PTPRD: variants seen among roughly 807,000 people sequenced by gnomAD.
PTPRD encodes the protein receptor-type tyrosine-protein phosphatase delta.
In PTPRD, 34 loss-of-function variants were observed where a neutral mutation model predicts 214.5. The observed-to-expected ratio is 0.16, with a 90% CI of 0.12 to 0.21. The LOEUF (loss-of-function observed/expected upper bound fraction) is 0.21, where lower values mean the gene tolerates loss of function less well. PTPRD is among the 10% of genes least tolerant of loss of function. PTPRD has a pLI of 1.00. For synonymous variants in PTPRD, 1,128 were observed against 845.7 expected, an observed-to-expected ratio of 1.33 and a Z score of -5.79; for missense variants, 2,545 against 2,398.7, an observed-to-expected ratio of 1.06 and a Z score of -1.27.
intron 39 of PTPRD, among the ~76,000 whole-genome samples, chr9:8,355,489 G>C (rs975316390): frequency 6.6e-6 from 1 of 152,186 alleles, no homozygotes; most frequent in African/African-American, 2.4e-5. Flanking sequence ...CTAGTATTAA[G>C]TGTATTTAGA....
intron 7 of PTPRD, among the ~76,000 whole-genome samples, chr9:9,729,971 T>G (rs898583093): frequency 6.6e-6 from 1 of 152,144 alleles, no homozygotes; most frequent in Non-Finnish European, 1.5e-5. Flanking sequence ...ACTGTGAGAT[T>G]GGTATATATG....
At chr9:10,077,997 G>C (rs1418938971) in intron 3 of PTPRD, among the ~76,000 whole-genome samples, 1 of 151,912 alleles carries the variant, frequency 6.6e-6, no homozygotes, top group Non-Finnish European at 1.5e-5. Context: ...TTTAAAAATA[G>C]TAATTGATAT....
intron 10 of PTPRD, among the ~76,000 whole-genome samples, chr9:9,148,396 C>T (rs1483446645): frequency 6.6e-6 from 1 of 152,084 alleles, no homozygotes; most frequent in Non-Finnish European, 1.5e-5. Flanking sequence ...AAAACCCAAC[C>T]TGTAATTATA....
chr9:10,599,982 C>T (rs2077560042), intron 2 of PTPRD, among the ~76,000 whole-genome samples: 1 of 151,686 alleles, frequency 6.6e-6, no homozygotes, highest in African/African-American at 2.4e-5. Context: ...ATAATATTGA[C>T]ATTTTCATAA....
At chr9:9,273,082 G>C (rs986156095) in intron 9 of PTPRD, among the ~76,000 whole-genome samples, 1 of 151,314 alleles carries the variant, frequency 6.6e-6, no homozygotes, top group African/African-American at 2.4e-5. Context: ...TTGAATTTGA[G>C]TTTTGTGCAT....
intron 8 of PTPRD, among the ~76,000 whole-genome samples, chr9:9,525,707 G>C (rs612728): frequency 4.6e-5 from 7 of 151,952 alleles, no homozygotes; most frequent in African/African-American, 1.5e-4. Context: ...TAAAAATAAG[G>C]CAGAGAAAGT....
intron 11 of PTPRD, among the ~76,000 whole-genome samples, chr9:9,015,786 G>A (rs1365693419): frequency 1.3e-5 from 2 of 152,072 alleles, no homozygotes; most frequent in African/African-American, 2.4e-5. Flanking sequence ...CAAAAGGACT[G>A]TTCAATGTAC....
intron 45 of PTPRD, among the ~76,000 whole-genome samples, chr9:8,319,451 G>A (rs539403574): frequency 6.6e-6 from 1 of 151,976 alleles, no homozygotes; most frequent in Non-Finnish European, 1.5e-5. Context: ...TACAGAGGGA[G>A]AATGGAGAAG....
At chr9:9,438,623 G>T (rs1003491472) in intron 8 of PTPRD, among the ~76,000 whole-genome samples, 1 of 152,098 alleles carries the variant, frequency 6.6e-6, no homozygotes, top group Non-Finnish European at 1.5e-5. Flanking sequence ...CTATGATGCC[G>T]AGCTTTATCA....
intron 7 of PTPRD, among the ~76,000 whole-genome samples, chr9:9,723,943 T>A (rs370819888): frequency 2.0e-5 from 3 of 152,106 alleles, no homozygotes; most frequent in South Asian, 4.1e-4. Flanking sequence ...TACAATTATG[T>A]AATCTAGAGA....
intron 8 of PTPRD, among the ~76,000 whole-genome samples, chr9:9,417,285 G>A (rs1168451324): frequency 1.3e-5 from 2 of 152,044 alleles, no homozygotes; most frequent in East Asian, 3.9e-4. Flanking sequence ...AAAGTCTGAG[G>A]TAAAATAAAT....
chr9:8,367,698 T>C (rs1372292864), intron 39 of PTPRD, among the ~76,000 whole-genome samples: 1 of 152,224 alleles, frequency 6.6e-6, no homozygotes, highest in Non-Finnish European at 1.5e-5. Flanking sequence ...AACAATTACG[T>C]AGAACTCAAA....
At chr9:9,015,778 A>G in intron 11 of PTPRD, among the ~76,000 whole-genome samples, 1 of 152,102 alleles carries the variant, frequency 6.6e-6, no homozygotes, top group East Asian at 1.9e-4. Flanking sequence ...TGGAGCCTCA[A>G]AAGGACTGTT....
chr9:9,433,461 A>G (rs111664798), intron 8 of PTPRD, among the ~76,000 whole-genome samples: 2 of 152,344 alleles, frequency 1.3e-5, no homozygotes, highest in African/African-American at 4.8e-5. Flanking sequence ...TATTCAATGC[A>G]ATCAACAAGG....
intron 10 of PTPRD, among the ~76,000 whole-genome samples, chr9:9,057,315 A>G (rs2099698147): frequency 6.6e-6 from 1 of 152,132 alleles, no homozygotes; most frequent in African/African-American, 2.4e-5. Context: ...CTAAGAATCG[A>G]AGTATATTTG....
At chr9:10,135,961 G>A (rs1575259) in intron 3 of PTPRD, among the ~76,000 whole-genome samples, 36,510 of 149,116 alleles carry the variant, frequency 0.24, 4,686 homozygotes, top group South Asian at 0.39. Flanking sequence ...AAAAAATAAG[G>A]CCCAACCAGC....
At chr9:10,120,008 G>C (rs552681057) in intron 3 of PTPRD, among the ~76,000 whole-genome samples, 2 of 151,956 alleles carry the variant, frequency 1.3e-5, no homozygotes, top group African/African-American at 4.8e-5. Flanking sequence ...GGAAATCTCA[G>C]GATAGTGATA....
intron 3 of PTPRD, among the ~76,000 whole-genome samples, chr9:10,078,426 G>T (rs2098171900): frequency 6.9e-6 from 1 of 145,846 alleles, no homozygotes; most frequent in East Asian, 2.1e-4. Flanking sequence ...TGAGGAAGGA[G>T]AATTGCTTGA....
At chr9:9,851,987 G>A (rs1456625128) in intron 5 of PTPRD, among the ~76,000 whole-genome samples, 1 of 152,034 alleles carries the variant, frequency 6.6e-6, no homozygotes, top group Non-Finnish European at 1.5e-5. Flanking sequence ...TGAAGTCCCC[G>A]ATTTCAGATT....
Sources: gnomAD v4.1 joint callset for allele counts (sites outside exome capture counted in the v4.1 genomes callset) on GRCh38, gnomAD v4.1.1 for gene constraint, MANE v1.5 for transcripts, NCBI Gene and HGNC (gene_info 2026-07-23, HGNC 2026-07-21) for gene names.